Variants in COL4A1 observed in about 807,000 individuals in gnomAD.
The protein encoded by COL4A1 is collagen alpha-1(IV) chain.
In COL4A1, 40 loss-of-function variants were observed where a neutral mutation model predicts 216.6. The observed-to-expected ratio is 0.18, with a 90% CI of 0.14 to 0.24. COL4A1 has a LOEUF of 0.24. Ranked by LOEUF, COL4A1 falls within the 10% of genes least tolerant of loss-of-function variation. COL4A1 has a pLI of 1.00. For synonymous variants in COL4A1, 839 were observed against 810.7 expected, an observed-to-expected ratio of 1.03 and a Z score of -0.59; for missense variants, 1,628 against 2,196.8, an observed-to-expected ratio of 0.74 and a Z score of 5.18.
At chr13:110,246,679 G>A (rs1476542608) in intron 1 of COL4A1, among the ~76,000 whole-genome samples, 1 of 152,184 alleles carries the variant, frequency 6.6e-6, no homozygotes, top group Non-Finnish European at 1.5e-5. Context: ...CTTTATGAGG[G>A]CTCTGCATTC....
intron 1 of COL4A1, among the ~76,000 whole-genome samples, chr13:110,255,897 G>A (rs1882532926): frequency 3.7e-5 from 4 of 107,890 alleles, no homozygotes; most frequent in Admixed American, 3.1e-4. Flanking sequence ...GGGAAGGCAG[G>A]AAGGGAGGGG....
At chr13:110,229,049 G>A (rs2139228744) in intron 2 of COL4A1, among the ~76,000 whole-genome samples, 1 of 152,328 alleles carries the variant, frequency 6.6e-6, no homozygotes. Flanking sequence ...TGAAGAGACA[G>A]GGAGGATGAA....
chr13:110,209,317 A>C, intron 11 of COL4A1, 75 bp downstream of exon 11: 2 of 1,340,754 alleles, frequency 1.5e-6, no homozygotes, highest in South Asian at 1.2e-5. Context: ...TGAAAGAATA[A>C]GAAGAGTGAG....
chr13:110,213,056 C>T (rs181277749), intron 4 of COL4A1, among the ~76,000 whole-genome samples: 2 of 152,100 alleles, frequency 1.3e-5, no homozygotes, highest in South Asian at 2.1e-4. Flanking sequence ...GTATAAGTGG[C>T]GTCTAAGCTA....
At chr13:110,176,266 A>C (rs1877880780) in intron 36 of COL4A1, among the ~76,000 whole-genome samples, 158 bp downstream of exon 36, 1 of 152,218 alleles carries the variant, frequency 6.6e-6, no homozygotes, top group Non-Finnish European at 1.5e-5. Flanking sequence ...TCCATCCCTG[A>C]GCAGGAGACC....
intron 1 of COL4A1, among the ~76,000 whole-genome samples, chr13:110,261,979 G>A (rs773540397): frequency 1.4e-4 from 22 of 152,260 alleles, no homozygotes; most frequent in East Asian, 9.7e-4. Context: ...GTGACCGGGC[G>A]GGAAGCTGGG....
chr13:110,183,324 C>T (rs1372943882), intron 26 of COL4A1, 48 bp from the exon 27 acceptor site: 1 of 1,564,138 alleles, frequency 6.4e-7, no homozygotes, highest in Non-Finnish European at 8.7e-7. Flanking sequence ...ATGAGGACCA[C>T]ACGGAACACA....
intron 1 of COL4A1, among the ~76,000 whole-genome samples, chr13:110,295,120 T>C (rs896829054): frequency 6.6e-6 from 1 of 152,210 alleles, no homozygotes; most frequent in African/African-American, 2.4e-5. Context: ...CCTTAAGACA[T>C]GTACAGAGCT....
intron 2 of COL4A1, among the ~76,000 whole-genome samples, chr13:110,240,635 CG>C (rs1001345272): frequency 2.0e-5 from 3 of 152,224 alleles, no homozygotes; most frequent in African/African-American, 7.2e-5. Context: ...GAAATGTTGG[CG>C]GCCCCTTTCC....
chr13:110,203,447 C>G, intron 18 of COL4A1, 119 bp downstream of exon 18: 1 of 1,119,692 alleles, frequency 8.9e-7, no homozygotes, highest in Non-Finnish European at 1.4e-6. Context: ...CCTTCCTCTC[C>G]CAGCGCTCTC....
chr13:110,192,105 C>T, intron 24 of COL4A1, 109 bp downstream of exon 24: 1 of 1,130,172 alleles, frequency 8.8e-7, no homozygotes, highest in East Asian at 2.4e-5. Flanking sequence ...CACTTACCAG[C>T]TCCCACACAA....
At chr13:110,283,933 C>T (rs1280179732) in intron 1 of COL4A1, among the ~76,000 whole-genome samples, 3 of 152,200 alleles carry the variant, frequency 2.0e-5, no homozygotes, top group African/African-American at 7.2e-5. Flanking sequence ...CCCTCCAGCC[C>T]AAGGAACAGC....
intron 41 of COL4A1, 104 bp downstream of exon 41, chr13:110,172,616 T>G: frequency 8.8e-7 from 1 of 1,134,320 alleles, no homozygotes; most frequent in South Asian, 1.2e-5. Flanking sequence ...CGTTGCTGCC[T>G]GGCCAACAGG....
In COL4A1 at chr13:110,307,093, T is replaced by C; in HGVS notation, c.-66A>G. ...GCGGGGGCCGCGGCGGACAGCTAGC[T>C]CTCGGAAGGCCGGACTTCCAGCGCT... On this transcript the variant is annotated 5_prime_UTR_variant, in exon 1 of 52. Transcript: ENST00000375820. This position sits in a 1 kb window ranked among gnomAD's most constrained non-coding sequence, Gnocchi z 5.0. 7.7e-7 allele frequency: 1 copy of C among 1,292,738 alleles called. No individual in the cohort carries two copies. Among genetic ancestry groups the C allele is most frequent in the Non-Finnish European group, 1.0e-6 (1 of 990,364 alleles). 80.1% of individuals were successfully genotyped at this position (1,292,738 alleles called of 1,614,324 possible).
At chr13:110,224,027 G>A (rs1880625092) in intron 2 of COL4A1, among the ~76,000 whole-genome samples, 1 of 152,098 alleles carries the variant, frequency 6.6e-6, no homozygotes, top group Admixed American at 6.5e-5. Context: ...AAATATATAT[G>A]GAATACTATC....
chr13:110,296,048 A>G (rs957892476), intron 1 of COL4A1, among the ~76,000 whole-genome samples: 10 of 152,252 alleles, frequency 6.6e-5, no homozygotes, highest in African/African-American at 2.4e-4. Context: ...AAAGTTCTCA[A>G]AAGTGATTCC....
At chr13:110,151,604 A>G (rs1438751950) in intron 51 of COL4A1, among the ~76,000 whole-genome samples, 2 of 152,204 alleles carry the variant, frequency 1.3e-5, no homozygotes, top group Admixed American at 6.5e-5. Context: ...GTGAAGATGG[A>G]AAGGCTCATC....
intron 1 of COL4A1, among the ~76,000 whole-genome samples, chr13:110,249,941 CAA>C (rs1329388268): frequency 9.9e-5 from 15 of 152,158 alleles, no homozygotes; most frequent in Non-Finnish European, 1.6e-4. Context: ...TCACAGAACT[CAA>C]AATCATTGTG....
chr13:110,177,018 G>A lies in COL4A1; in HGVS notation c.2736C>T (p.Gly912=). 6.2e-7 allele frequency: 1 copy of A among 1,614,036 alleles called. No individual in the cohort carries two copies. Among genetic ancestry groups the A allele is most frequent in the Non-Finnish European group, 8.5e-7 (1 of 1,180,024 alleles). ...PGEKGDHGFP[G]SSGPRGDPGL... is the part of the protein sequence containing the mutation. The stretch of plus-strand genomic sequence containing the variant: ...CAGGGTCTCCCCTGGGTCCTGAGGA[G>A]CCCGGAAAGCCATGGTCCCCTGCAG... The change falls in exon 34 of 52, where the codon GGC becomes GGT. Residue 912 remains glycine, a synonymous_variant. Coordinates refer to ENST00000375820, the MANE Select transcript of COL4A1 (RefSeq NM_001845.6).
Sources: gnomAD v4.1 joint callset for allele counts (sites outside exome capture counted in the v4.1 genomes callset) on GRCh38, gnomAD v4.1.1 for gene constraint, Gnocchi (gnomAD v3.1) non-coding constraint, MANE v1.5 for transcripts, NCBI Gene and HGNC (gene_info 2026-07-23, HGNC 2026-07-21) for gene names.